The following TEX9 variants were observed in gnomAD, a reference collection of about 807,000 sequenced individuals.
TEX9 encodes the protein testis expressed 9.
Under a neutral mutation model 59.6 loss-of-function variants are expected in TEX9, and 74 were observed. That is an observed-to-expected ratio of 1.24 (90% CI 1.03 to 1.51). The LOEUF is 1.51. Among genes scored for constraint, TEX9 ranks in the 40% most tolerant of loss-of-function variants. The probability of loss-of-function intolerance (pLI) is 0.00; values close to 1 mark genes in which losing one functional copy is unlikely to be tolerated. For synonymous variants in TEX9, 186 were observed against 152.2 expected (o/e 1.22, Z -1.64); for missense variants, 522 against 447.8 (o/e 1.17, Z -1.49).
At chr15:56,370,410 T>C (rs2047143691) in intron 2 of TEX9, among the ~76,000 whole-genome samples, 2 of 152,306 alleles carry the variant, frequency 1.3e-5, no homozygotes, top group South Asian at 4.1e-4. Context: ...TCCTCCTTCC[T>C]GAAGTGTAGA....
chr15:56,252,261 A>C (rs1268290179), intron 1 of TEX9, among the ~76,000 whole-genome samples: 1 of 152,056 alleles, frequency 6.6e-6, no homozygotes. Context: ...AGTACTACAA[A>C]CTATATTTGG....
chr15:56,281,542 C>T (rs892547864), intron 1 of TEX9, among the ~76,000 whole-genome samples: 1 of 152,150 alleles, frequency 6.6e-6, no homozygotes, highest in Non-Finnish European at 1.5e-5. Flanking sequence ...TAAAACCATC[C>T]CTCACCCCCC....
rs549571161 is a variant in TEX9 at position 56,318,388 on chromosome 15, A to G, written c.-106-55053A>G. 1.4e-4 allele frequency among the ~76,000 whole-genome samples: 22 copies of G among 152,156 alleles called. No individual in the cohort carries two copies. The East Asian group carries it at 4.0e-3, about 28-fold the overall frequency. ...CATCTTTTTCTTTCAACCTATTTGT[A>G]CATTTGAATCTAAAGTGCATCATAT... On this transcript the variant is annotated intron_variant, in intron 1 of 5. Transcript: ENST00000560827.
intron 1 of TEX9, among the ~76,000 whole-genome samples, chr15:56,353,205 T>C (rs1298231437): frequency 6.6e-6 from 1 of 152,188 alleles, no homozygotes; most frequent in African/African-American, 2.4e-5. Context: ...AATATAAGCT[T>C]GTTTTAATTA....
chr15:56,347,996 G>T (rs1410904621), intron 1 of TEX9, among the ~76,000 whole-genome samples: 4 of 151,990 alleles, frequency 2.6e-5, no homozygotes, highest in African/African-American at 9.7e-5. Flanking sequence ...TGTTAGAAAA[G>T]TGCATGTATT....
At chr15:56,422,328 A>G (rs1273856457) in intron 10 of TEX9, among the ~76,000 whole-genome samples, 2 of 151,846 alleles carry the variant, frequency 1.3e-5, no homozygotes, top group South Asian at 2.1e-4. Context: ...ACACCATTAT[A>G]TTTAAAATGA....
intron 10 of TEX9, 66 bp downstream of exon 10, chr15:56,412,502 C>G (rs2049408529): frequency 1.4e-6 from 2 of 1,450,748 alleles, no homozygotes; most frequent in Admixed American, 4.5e-5. Flanking sequence ...ATGAACATGT[C>G]AAAAATAATA....
At chr15:56,315,422 C>T (rs2045731480) in intron 1 of TEX9, among the ~76,000 whole-genome samples, 1 of 149,108 alleles carries the variant, frequency 6.7e-6, no homozygotes, top group Non-Finnish European at 1.5e-5. Context: ...CTTGGTTTGG[C>T]TGGATATGAA....
chr15:56,324,953 G>C (rs1427918834), intron 1 of TEX9, among the ~76,000 whole-genome samples: 1 of 152,102 alleles, frequency 6.6e-6, no homozygotes, highest in East Asian at 1.9e-4. Flanking sequence ...CCACATAATA[G>C]ACAGATTATA....
intron 1 of TEX9, among the ~76,000 whole-genome samples, chr15:56,295,187 T>C (rs1441154749): frequency 6.6e-6 from 1 of 152,190 alleles, no homozygotes; most frequent in African/African-American, 2.4e-5. Flanking sequence ...CTGGGGACCA[T>C]TTATTGTACC....
chr15:56,351,830 T>C (rs1325856480), intron 1 of TEX9, among the ~76,000 whole-genome samples: 1 of 152,234 alleles, frequency 6.6e-6, no homozygotes, highest in Non-Finnish European at 1.5e-5. Flanking sequence ...TAATTCAAAA[T>C]GTTATTTCAA....
intron 1 of TEX9, among the ~76,000 whole-genome samples, chr15:56,318,572 CTA>C (rs1226033951): frequency 6.6e-6 from 1 of 151,978 alleles, no homozygotes; most frequent in African/African-American, 2.4e-5. Flanking sequence ...CATTTGTTTT[CTA>C]TATGTCTTTC....
intron 9 of TEX9, 130 bp downstream of exon 9, chr15:56,394,964 T>TA (rs1285457889): frequency 3.2e-5 from 28 of 881,444 alleles, no homozygotes; most frequent in African/African-American, 5.2e-5. Flanking sequence ...TCTTTCCCCT[T>TA]ACATAGAATA....
At chr15:56,338,479 C>T (rs2046302051) in intron 1 of TEX9, among the ~76,000 whole-genome samples, 1 of 152,134 alleles carries the variant, frequency 6.6e-6, no homozygotes, top group South Asian at 2.1e-4. Context: ...CTTATTTGTA[C>T]AACAGCTCAC....
intron 2 of TEX9, 97 bp downstream of exon 2, chr15:56,365,767 C>T (rs904164752): frequency 3.3e-6 from 5 of 1,537,914 alleles, no homozygotes; most frequent in African/African-American, 2.7e-5. Flanking sequence ...ATCTTCGGGA[C>T]CACTCACTCT....
intron 1 of TEX9, among the ~76,000 whole-genome samples, chr15:56,358,912 C>T (rs1370515586): frequency 6.6e-6 from 1 of 152,136 alleles, no homozygotes; most frequent in East Asian, 1.9e-4. Flanking sequence ...CCACGTAAGA[C>T]ATGCCTGCTT....
chr15:56,325,371 C>G (rs2682013), intron 1 of TEX9, among the ~76,000 whole-genome samples: 3 of 151,892 alleles, frequency 2.0e-5, no homozygotes, highest in African/African-American at 7.3e-5. Flanking sequence ...ACATGAAATA[C>G]GTGATTTAGA....
chr15:56,298,760 A>G (rs999360185), intron 1 of TEX9, among the ~76,000 whole-genome samples: 1 of 152,148 alleles, frequency 6.6e-6, no homozygotes, highest in African/African-American at 2.4e-5. Context: ...TTGTTGTCCA[A>G]TCATAAGATT....
chr15:56,439,830 T>C (rs2140347081), intron 12 of TEX9, among the ~76,000 whole-genome samples: 1 of 145,482 alleles, frequency 6.9e-6, no homozygotes, highest in South Asian at 2.1e-4. Context: ...AATTCTTCAA[T>C]AACTAGGCGA....
Sources: gnomAD v4.1 joint callset for allele counts (sites outside exome capture counted in the v4.1 genomes callset) on GRCh38, gnomAD v4.1.1 for gene constraint, MANE v1.5 for transcripts, NCBI Gene and HGNC (gene_info 2026-07-23, HGNC 2026-07-21) for gene names.